The following MTSS2 variants were observed in gnomAD, a reference collection of about 807,000 sequenced individuals.
MTSS2 encodes MTSS I-BAR domain containing 2.
A neutral mutation model predicts 67.1 loss-of-function variants in MTSS2; 27 were observed. The ratio of observed to expected loss-of-function variants is 0.40; its 90% CI spans 0.30 to 0.55. MTSS2 has a LOEUF of 0.55. Among genes scored for constraint, MTSS2 ranks in the 20% least tolerant of loss-of-function variants. The pLI is 0.43. For synonymous variants in MTSS2, 624 were observed against 468.6 expected (o/e 1.33, Z -4.28); for missense variants, 1,171 against 1,067.8 (o/e 1.10, Z -1.35).
rs1169068756 is a variant in MTSS2 at position 70,685,572 on chromosome 16, G to A, written c.69+151C>T. On this transcript the variant is annotated intron_variant, in intron 1 of 14. Coordinates refer to ENST00000338779, the MANE Select transcript of MTSS2 (RefSeq NM_138383.3). ...CCCAGACGGGCACCCGGAGACACGG[G>A]CGCCCAGCAGACGCAGGCAGGACGC... 1.3e-5 allele frequency: 4 copies of A among 316,302 alleles called. 1 individual carries two copies. Among genetic ancestry groups the A allele is most frequent in the Admixed American group, 5.9e-5 (1 of 16,828 alleles). 19.6% of individuals were successfully genotyped at this position (316,302 alleles called of 1,614,324 possible).
chr16:70,683,335 G>A (rs970943437), intron 1 of MTSS2, among the ~76,000 whole-genome samples: 2 of 152,230 alleles, frequency 1.3e-5, no homozygotes, highest in African/African-American at 4.8e-5. Flanking sequence ...AGCAGGTGCT[G>A]CTCAGCCAGC....
At position 70,665,202 on chromosome 16, in the gene MTSS2, G is replaced by T. The variant is rs748050575; in HGVS notation, c.1129-106C>A. On this transcript the variant is annotated intron_variant, in intron 12 of 14. Transcript: ENST00000338779. ...TCAGGGTGTCCAGGGCTATCAGGGG[G>T]TCTCTGGTTCGCAATCACAGCCAAG... 449 of 1,331,490 alleles carry T rather than the reference G, an allele frequency of 3.4e-4. 5 individuals are homozygous for T. Among genetic ancestry groups the T allele is most frequent in the Middle Eastern group, 2.5e-4 (1 of 3,936 alleles). The allele number at this position is 1,331,490 out of a possible 1,614,324, so 82.5% of individuals were successfully genotyped here.
At chr16:70,681,881 G>A (rs2142920732) in intron 1 of MTSS2, among the ~76,000 whole-genome samples, 1 of 152,318 alleles carries the variant, frequency 6.6e-6, no homozygotes, top group African/African-American at 2.4e-5. Context: ...CTGGCCCAAG[G>A]GCCCTGTGGA....
In MTSS2 at chr16:70,679,656, A is replaced by G; in HGVS notation, c.431T>C (p.Leu144Pro). 1 of 1,609,550 alleles carries G rather than the reference A, an allele frequency of 6.2e-7. No homozygotes were observed. Among genetic ancestry groups the G allele is most frequent in the Non-Finnish European group, 8.5e-7 (1 of 1,178,192 alleles). The change falls in exon 6 of 15, where the codon CTG (leucine) becomes CCG (proline). Residue 144 changes from leucine (L) to proline (P), a missense_variant. Transcript: ENST00000338779. ...HEIKKKSSDT[L>P]KLQKKARKEL... ...TTTGCGCGCCTTCTTCTGCAGCTTC[A>G]GCGTGTCCGACGACTTCTTTTTGAT...
At chr16:70,664,540 C>T in intron 14 of MTSS2, 58 bp downstream of exon 14, 1 of 1,588,698 alleles carries the variant, frequency 6.3e-7, no homozygotes, top group Non-Finnish European at 8.6e-7. Flanking sequence ...AGGACGGGGC[C>T]CTCCTGGATG....
Position 70,670,969 on chromosome 16 carries a change from CAAAAAAAA to C in MTSS2, c.1053+3329_1053+3336del, listed in dbSNP as rs1166088540. Among the ~76,000 whole-genome samples, 84 of 32,962 alleles carry C rather than the reference CAAAAAAAA, an allele frequency of 2.5e-3. 4 individuals carry two copies. The highest frequency in any genetic ancestry group is 1.1e-3 in the South Asian group (1 of 908). 21.6% of individuals were successfully genotyped at this position (32,962 alleles called of 152,430 possible). On this transcript the variant is annotated intron_variant, in intron 11 of 14. Coordinates refer to ENST00000338779, the MANE Select transcript of MTSS2 (RefSeq NM_138383.3). ...TGGGTGACAGAGTGAGACCCTGTCT[CAAAAAAAA>C]AAAAAAAAAAAAAAAAAAGTCAAAA...
chr16:70,664,055 G>T lies in MTSS2; in HGVS notation c.1866C>A (p.Thr622=), dbSNP rs370570132. The change falls in exon 15 of 15, where the codon ACC becomes ACA. Residue 622 remains threonine (T), a synonymous_variant. Coordinates refer to ENST00000338779, the MANE Select transcript of MTSS2 (RefSeq NM_138383.3). ...SEECVFYTDE[T]ASPLAPDLAK... The stretch of plus-strand genomic sequence containing the variant: ...CGAGGTCCGGTGCCAGGGGTGAGGC[G>T]GTCTCGTCGGTATAGAAGACGCACT... 1.2e-6 allele frequency: 2 copies of T among 1,610,670 alleles called. No individual in the cohort carries two copies. Among genetic ancestry groups the T allele is most frequent in the South Asian group, 2.2e-5 (2 of 90,514 alleles).
At position 70,663,861 on chromosome 16, in the gene MTSS2, G is replaced by C; in HGVS notation, c.2060C>G (p.Ala687Gly). 6.5e-7 allele frequency: 1 copy of C among 1,542,848 alleles called. No individual in the cohort carries two copies. Among genetic ancestry groups the C allele is most frequent in the Non-Finnish European group, 8.7e-7 (1 of 1,146,682 alleles). Residue 687 changes from alanine to glycine, a missense_variant, in exon 15 of 15, where the codon GCA becomes GGA. Ala to Gly is a moderately conservative substitution (Grantham distance 60). Around this residue, in one of 2 missense-constraint regions of MTSS2, gnomAD observed 924 missense variants for 756.0 expected, o/e 1.22. Coordinates refer to ENST00000338779, the MANE Select transcript of MTSS2 (RefSeq NM_138383.3). ...KLGELVAGAHALGEGQFPFPT... is the reference protein window; with the variant it reads ...KLGELVAGAHGLGEGQFPFPT... ...GAAGGGGAACTGGCCCTCACCCAGT[G>C]CGTGGGCACCCGCCACCAGCTCCCC... is the stretch of plus-strand genomic sequence containing the variant.
intron 11 of MTSS2, among the ~76,000 whole-genome samples, chr16:70,672,694 AAAG>A (rs1597811223): frequency 6.6e-6 from 1 of 151,716 alleles, no homozygotes; most frequent in Non-Finnish European, 1.5e-5. Flanking sequence ...AAAAAAAAAA[AAAG>A]AAAAAGTCGA....
intron 10 of MTSS2, among the ~76,000 whole-genome samples, chr16:70,675,011 G>C (rs557859401): frequency 6.6e-6 from 1 of 152,288 alleles, no homozygotes; most frequent in Admixed American, 6.5e-5. Flanking sequence ...TACTTGGCAG[G>C]CTGAGGCACG....
At chr16:70,684,659 T>C (rs1008315251) in intron 1 of MTSS2, among the ~76,000 whole-genome samples, 1 of 151,914 alleles carries the variant, frequency 6.6e-6, no homozygotes, top group Non-Finnish European at 1.5e-5. Context: ...TGGGAGATCC[T>C]GTGGGGTGCC....
At chr16:70,675,238 T>C (rs944829144) in intron 10 of MTSS2, among the ~76,000 whole-genome samples, 1 of 151,850 alleles carries the variant, frequency 6.6e-6, no homozygotes, top group Admixed American at 6.6e-5. Flanking sequence ...GCCTGGGCAA[T>C]AGGGTGAGAC....
At chr16:70,674,579 G>A (rs1001798972) in intron 10 of MTSS2, 51 bp from the exon 11 acceptor site, 1 of 1,535,424 alleles carries the variant, frequency 6.5e-7, no homozygotes, top group Non-Finnish European at 8.9e-7. Context: ...AGACAGAGGG[G>A]TGTGTGTTTG....
At chr16:70,665,266 C>T (rs560023471) in intron 12 of MTSS2, 170 bp from the exon 13 acceptor site, 15 of 941,702 alleles carry the variant, frequency 1.6e-5, no homozygotes, top group Non-Finnish European at 2.0e-5. Flanking sequence ...CTCAGTCCCA[C>T]CAGGCCCAGG....
At position 70,665,408 on chromosome 16, in the gene MTSS2, G is replaced by A. The variant is rs1484101807; in HGVS notation, c.1128+58C>T. The A allele has an allele frequency of 2.7e-6, 4 of 1,490,396 alleles. No homozygotes were observed. In the East Asian group the frequency reaches 9.9e-5, roughly 37 times the overall value. The allele number at this position is 1,490,396 out of a possible 1,614,324, so 92.3% of individuals were successfully genotyped here. On this transcript the variant is annotated intron_variant, in intron 12 of 14. Coordinates refer to ENST00000338779, the MANE Select transcript of MTSS2 (RefSeq NM_138383.3). ...GTGCAGTAATGGCACCAGGTGGGGA[G>A]GGCATGGATGGGAGGGGCAGCTGGT...
intron 9 of MTSS2, among the ~76,000 whole-genome samples, chr16:70,677,335 C>A (rs2053150774): frequency 6.6e-6 from 1 of 152,176 alleles, no homozygotes; most frequent in South Asian, 2.1e-4. Flanking sequence ...AGATGCTGGG[C>A]ATGCAACAAG....
intron 10 of MTSS2, 139 bp downstream of exon 10, chr16:70,676,742 T>A: frequency 2.9e-6 from 2 of 695,932 alleles, no homozygotes; most frequent in East Asian, 5.5e-5. Context: ...TCCCTCTACA[T>A]ATGCAAATTC....
At chr16:70,670,883 T>C (rs986630850) in intron 11 of MTSS2, among the ~76,000 whole-genome samples, 3 of 150,540 alleles carry the variant, frequency 2.0e-5, no homozygotes, top group African/African-American at 7.4e-5. Context: ...GGCAGGAAGA[T>C]TGCTTGAACC....
rs1241555467 is a variant in MTSS2, at chr16:70,680,048, C to T, written c.213G>A (p.Thr71=). ...ADMATNTRGA[T]RDIGSALTRM... is the part of the protein sequence containing the mutation. ...GTGTGAGCGCCGAGCCGATGTCCCT[C>T]GTGGCCCCTGGCGAGGCAAGCGCGG... is the stretch of plus-strand genomic sequence containing the variant. The change falls in exon 4 of 15, where the codon ACG becomes ACA. Residue 71 remains threonine (T), a synonymous_variant. Transcript: ENST00000338779. 1.3e-6 allele frequency: 2 copies of T among 1,526,356 alleles called. No individual in the cohort carries two copies. Among genetic ancestry groups the T allele is most frequent in the Non-Finnish European group, 1.7e-6 (2 of 1,145,132 alleles). 94.6% of individuals were successfully genotyped at this position (1,526,356 alleles called of 1,614,324 possible). A position where few individuals can be genotyped will look rare whatever the true frequency, so the allele number is the denominator to read the frequency against.
Sources: allele counts gnomAD v4.1 joint callset (sites outside exome capture counted in the v4.1 genomes callset), GRCh38; gene constraint gnomAD v4.1.1; regional missense constraint gnomAD v4.1.1; transcripts MANE v1.5; gene names NCBI Gene and HGNC (gene_info 2026-07-23, HGNC 2026-07-21).